PEX5L: variants seen among roughly 807,000 people sequenced by gnomAD.
PEX5L encodes peroxisomal biogenesis factor 5 like.
Under a neutral mutation model 84.0 loss-of-function variants are expected in PEX5L, and 30 were observed. That is an observed-to-expected ratio of 0.36 (90% CI 0.27 to 0.48). The LOEUF (loss-of-function observed/expected upper bound fraction) is 0.48. PEX5L is among the 20% of genes least tolerant of loss of function. The pLI is 0.99. For missense variants in PEX5L, 533 were observed against 754.6 expected (o/e 0.71, Z 3.44); for synonymous variants, 270 against 283.1 (o/e 0.95, Z 0.46).
intron 2 of PEX5L, among the ~76,000 whole-genome samples, chr3:179,905,030 A>G (rs914753954): frequency 2.6e-5 from 4 of 152,200 alleles, no homozygotes; most frequent in African/African-American, 9.6e-5. Context: ...CAAGCCTTTG[A>G]AACAATTTTT....
intron 5 of PEX5L, among the ~76,000 whole-genome samples, chr3:179,876,141 C>A (rs1752306655): frequency 6.6e-6 from 1 of 152,122 alleles, no homozygotes; most frequent in South Asian, 2.1e-4. Context: ...CTCTCATTAA[C>A]AGGTGTGTGG....
chr3:179,813,825 C>T (rs1724933831), intron 10 of PEX5L, among the ~76,000 whole-genome samples: 2 of 151,886 alleles, frequency 1.3e-5, no homozygotes, highest in Admixed American at 1.3e-4. Context: ...TACAGGCGCC[C>T]GCCACCGCGC....
At chr3:179,866,951 G>A (rs1748459260) in intron 7 of PEX5L, among the ~76,000 whole-genome samples, 1 of 149,658 alleles carries the variant, frequency 6.7e-6, no homozygotes, top group African/African-American at 2.5e-5. Flanking sequence ...GCTTGAACCT[G>A]GGAGGCAGAT....
chr3:179,960,197 T>C lies in PEX5L; in HGVS notation c.93+11397A>G, dbSNP rs74540981. Reference sequence around the variant, plus strand: ...TGGTCAGAACTATGAGGAGGTCTCCTTCCTTGCAATCTATATCCTCTACTT... The same window carrying C: ...TGGTCAGAACTATGAGGAGGTCTCCCTCCTTGCAATCTATATCCTCTACTT... On this transcript the variant is annotated intron_variant, in intron 2 of 14. Transcript: ENST00000467460. 1.9e-4 allele frequency among the ~76,000 whole-genome samples: 29 copies of C among 152,334 alleles called. No individual in the cohort carries two copies. The East Asian group carries it at 5.4e-3, about 28-fold the overall frequency.
intron 1 of PEX5L, among the ~76,000 whole-genome samples, chr3:179,972,061 ATGTTT>A (rs1784899921): frequency 1.3e-5 from 2 of 152,110 alleles, no homozygotes; most frequent in South Asian, 4.1e-4. Context: ...CAACTATTCA[ATGTTT>A]TGTTTTAATG....
rs149758087 is a variant in PEX5L at position 180,003,060 on chromosome 3, C to T, written c.22-31395G>A. 6.4e-4 allele frequency among the ~76,000 whole-genome samples: 98 copies of T among 152,190 alleles called. 1 individual carries two copies. The highest frequency in any genetic ancestry group is 2.1e-3 in the East Asian group (11 of 5,180). On this transcript the variant is annotated intron_variant, in intron 1 of 14. Coordinates refer to ENST00000467460, the MANE Select transcript of PEX5L (RefSeq NM_016559.3). Reference sequence around the variant, plus strand: ...AAACAGAGAAAAGAACGATAAAAATCGAATTCATTCTGTGTTATTAACGGA... The same window carrying T: ...AAACAGAGAAAAGAACGATAAAAATTGAATTCATTCTGTGTTATTAACGGA...
chr3:179,801,796 C>T lies in PEX5L; in HGVS notation c.*32G>A, dbSNP rs779429197. 1.4e-5 allele frequency: 18 copies of T among 1,266,770 alleles called. No homozygotes were observed. The highest frequency in any genetic ancestry group is 2.1e-5 in the Non-Finnish European group (18 of 862,828). The allele number at this position is 1,266,770 out of a possible 1,614,324, so 78.5% of individuals were successfully genotyped here. On this transcript the variant is annotated 3_prime_UTR_variant, in exon 15 of 15. Coordinates refer to ENST00000467460, the MANE Select transcript of PEX5L (RefSeq NM_016559.3). ...GATTTTTCAGTACAATCACACAGATCAGGGATTATTAGTACTGGTATTATT... is the reference window on the plus strand; with the variant it reads ...GATTTTTCAGTACAATCACACAGATTAGGGATTATTAGTACTGGTATTATT...
intron 7 of PEX5L, among the ~76,000 whole-genome samples, chr3:179,873,552 T>G (rs528871405): frequency 7.6e-4 from 116 of 152,216 alleles, no homozygotes; most frequent in African/African-American, 2.6e-3. Flanking sequence ...CTTAGAACCA[T>G]AGGAGATATG....
chr3:179,947,852 A>G (rs1435798280), intron 2 of PEX5L, among the ~76,000 whole-genome samples: 1 of 151,708 alleles, frequency 6.6e-6, no homozygotes, highest in East Asian at 1.9e-4. Context: ...GACTACAGGC[A>G]CCCGCCACCA....
chr3:180,014,306 A>G (rs886186389), intron 1 of PEX5L, among the ~76,000 whole-genome samples: 1 of 152,140 alleles, frequency 6.6e-6, no homozygotes, highest in Non-Finnish European at 1.5e-5. Context: ...CCCCGTCTCT[A>G]CTAAAAATAC....
chr3:180,022,018 T>C (rs1353899467), intron 1 of PEX5L, among the ~76,000 whole-genome samples: 3 of 152,132 alleles, frequency 2.0e-5, no homozygotes, highest in African/African-American at 7.2e-5. Context: ...TTAATTTCTA[T>C]TACTTATTGA....
chr3:179,913,684 A>C (rs1765978391), intron 2 of PEX5L, among the ~76,000 whole-genome samples: 1 of 152,160 alleles, frequency 6.6e-6, no homozygotes, highest in African/African-American at 2.4e-5. Flanking sequence ...TTGCATTTGG[A>C]TATTTTAATA....
chr3:179,978,134 T>C (rs1046669977), intron 1 of PEX5L, among the ~76,000 whole-genome samples: 3 of 152,230 alleles, frequency 2.0e-5, no homozygotes, highest in Non-Finnish European at 4.4e-5. Flanking sequence ...GGTATTCCAG[T>C]TACTAACTAG....
intron 2 of PEX5L, among the ~76,000 whole-genome samples, chr3:179,943,125 C>T (rs893219917): frequency 6.6e-6 from 1 of 152,190 alleles, no homozygotes. Context: ...TATTATTTTA[C>T]TATATTTACT....
At chr3:179,848,951 T>C (rs1740707819) in intron 8 of PEX5L, among the ~76,000 whole-genome samples, 2 of 152,166 alleles carry the variant, frequency 1.3e-5, no homozygotes, top group Admixed American at 6.5e-5. Context: ...GAATTGAACA[T>C]GCAGATGAGG....
intron 8 of PEX5L, among the ~76,000 whole-genome samples, chr3:179,849,282 C>T (rs1740841588): frequency 6.6e-6 from 1 of 152,096 alleles, no homozygotes; most frequent in Non-Finnish European, 1.5e-5. Flanking sequence ...CTACTTAAGC[C>T]TTGCCTAAAT....
At chr3:179,827,208 A>G (rs1327395123) in intron 8 of PEX5L, among the ~76,000 whole-genome samples, 6 of 152,190 alleles carry the variant, frequency 3.9e-5, no homozygotes, top group Non-Finnish European at 8.8e-5. Flanking sequence ...TGACAAATAG[A>G]ACACAATGGG....
intron 1 of PEX5L, among the ~76,000 whole-genome samples, chr3:179,999,695 T>C (rs992832058): frequency 6.6e-6 from 1 of 152,206 alleles, no homozygotes; most frequent in Non-Finnish European, 1.5e-5. Flanking sequence ...CTACCATCCA[T>C]GGAATCACGG....
chr3:179,915,176 T>C (rs889811147), intron 2 of PEX5L, among the ~76,000 whole-genome samples: 10 of 152,184 alleles, frequency 6.6e-5, no homozygotes, highest in African/African-American at 2.4e-4. Context: ...TACTCAAATA[T>C]TTGTTGAATG....
Sources: gnomAD v4.1 joint callset for allele counts (sites outside exome capture counted in the v4.1 genomes callset) on GRCh38, gnomAD v4.1.1 for gene constraint, MANE v1.5 for transcripts, NCBI Gene and HGNC (gene_info 2026-07-23, HGNC 2026-07-21) for gene names.